Variants in ZNF584 observed in about 807,000 individuals in gnomAD.
ZNF584 encodes the protein zinc finger protein 584.
A neutral mutation model predicts 14.7 loss-of-function variants in ZNF584; 12 were observed. That is an observed-to-expected ratio of 0.82 (90% CI 0.52 to 1.32). ZNF584 has a LOEUF of 1.32. ZNF584 is among the 40% of genes most tolerant of loss of function. The probability of loss-of-function intolerance (pLI) is 0.00; values close to 1 mark genes in which losing one functional copy is unlikely to be tolerated. For missense variants in ZNF584, 478 were observed against 518.8 expected (o/e 0.92, Z 0.76); for synonymous variants, 204 against 190.9 (o/e 1.07, Z -0.57).
intron 2 of ZNF584, among the ~76,000 whole-genome samples, chr19:58,415,182 T>C (rs181564006): frequency 3.0e-4 from 46 of 151,598 alleles, no homozygotes; most frequent in East Asian, 7.8e-4. Flanking sequence ...CGTGAGCCAC[T>C]GCGCCCGGCC....
At chr19:58,410,637 A>G (rs182701708) in intron 2 of ZNF584, among the ~76,000 whole-genome samples, 834 of 22,768 alleles carry the variant, frequency 0.037, 103 homozygotes, top group Non-Finnish European at 0.054. Context: ...ATATATGTGT[A>G]TATATATGTG....
At chr19:58,409,788 T>C (rs2052519060) in intron 1 of ZNF584, among the ~76,000 whole-genome samples, 153 bp from the exon 2 acceptor site, 1 of 151,988 alleles carries the variant, frequency 6.6e-6, no homozygotes, top group Non-Finnish European at 1.5e-5. Context: ...TAAGGGTATG[T>C]GTAGGGAGTA....
intron 1 of ZNF584, 167 bp downstream of exon 1, chr19:58,409,332 C>T (rs971419015): frequency 1.2e-6 from 1 of 824,152 alleles, no homozygotes; most frequent in Non-Finnish European, 1.7e-6. Context: ...GGAGATGTGC[C>T]GCAGGACTGG....
Position 58,409,153 on chromosome 19 carries a change from CG to C in ZNF584, c.10del (p.Glu4ArgfsTer14). 1.4e-6 allele frequency: 2 copies of C among 1,444,336 alleles called. No individual in the cohort carries two copies. The highest frequency in any genetic ancestry group is 1.4e-5 in the South Asian group (1 of 69,700). 89.5% of individuals were successfully genotyped at this position (1,444,336 alleles called of 1,614,324 possible). A position where few individuals can be genotyped will look rare whatever the true frequency, so the allele number is the denominator to read the frequency against. Reference sequence around the variant, plus strand: ...GGTTCTGCCCGCACGGTCCAATGGCCGGGGAGGCGGAGGTGAGCAGAGGATG... The same window carrying C: ...GGTTCTGCCCGCACGGTCCAATGGCCGGGAGGCGGAGGTGAGCAGAGGATG... MA[G>X]EAEAQLDPSL... On this transcript the variant is annotated frameshift_variant, in exon 1 of 4. Coordinates refer to ENST00000306910, the MANE Select transcript of ZNF584 (RefSeq NM_173548.3). LOFTEE classifies it high-confidence loss of function.
At chr19:58,410,661 ATATG>A (rs1178589155) in intron 2 of ZNF584, among the ~76,000 whole-genome samples, 3 of 15,030 alleles carry the variant, frequency 2.0e-4, no homozygotes, top group African/African-American at 1.2e-3. Flanking sequence ...ATATGTGTAT[ATATG>A]TATATATGTG....
intron 2 of ZNF584, among the ~76,000 whole-genome samples, chr19:58,414,624 G>C (rs775057423): frequency 6.6e-6 from 1 of 152,048 alleles, no homozygotes; most frequent in Non-Finnish European, 1.5e-5. Flanking sequence ...TTACAGGCAT[G>C]AGCCACCGCG....
In ZNF584 at chr19:58,403,453, C is replaced by T. The variant is rs1475938060; in HGVS notation, n.92+1791C>T. ...ATACTGTATGATTACAAGTTTATGA[C>T]ATTCTGGAAAAGGTAAAGCTATAGA... On this transcript the variant is annotated intron_variant and non_coding_transcript_variant, in intron 1 of 3. Transcript: ENST00000594993. Among the ~76,000 whole-genome samples, 4 of 132,458 alleles carry T rather than the reference C, an allele frequency of 3.0e-5. No homozygotes were observed. In the East Asian group the frequency reaches 7.8e-4, roughly 26 times the overall value. 86.9% of individuals were successfully genotyped at this position (132,458 alleles called of 152,430 possible).
At position 58,415,640 on chromosome 19, in the gene ZNF584, G is replaced by T; in HGVS notation, c.286G>T (p.Gly96Cys). 6.2e-7 allele frequency: 1 copy of T among 1,613,836 alleles called. No individual in the cohort carries two copies. Among genetic ancestry groups the T allele is most frequent in the Non-Finnish European group, 8.5e-7 (1 of 1,179,830 alleles). ...CAGAGCAGAAGCCAGGAGAGGTTTT[G>T]GTCTTGGTAAGTGGAGTGGAGGGGA... The part of the protein sequence containing the change: ...VSRAEARRGF[G>C]LDGLCRVEDE... Residue 96 changes from glycine (G) to cysteine (C), a missense_variant, in exon 3 of 4, where the codon GGT becomes TGT. Physicochemically the swap from Gly to Cys is radical, Grantham distance 159. Transcript: ENST00000306910.
chr19:58,408,620 T>C (rs2122201162), upstream of ZNF584: 1 of 153,166 alleles, frequency 6.5e-6, no homozygotes, highest in Non-Finnish European at 1.5e-5. Flanking sequence ...CACGTCCCGC[T>C]TCAGGAGCTA....
intron 2 of ZNF584, among the ~76,000 whole-genome samples, chr19:58,410,573 G>GTA (rs1207335393): frequency 0.034 from 215 of 6,392 alleles, 15 homozygotes; most frequent in East Asian, 0.11. Flanking sequence ...ATATATATAT[G>GTA]TATATATATG....
intron 2 of ZNF584, among the ~76,000 whole-genome samples, chr19:58,410,595 A>ATATATATGTATATATATGTG (rs1568584589): frequency 2.8e-5 from 1 of 35,110 alleles, no homozygotes; most frequent in Admixed American, 2.8e-4. Context: ...ATATATATGT[A>ATATATATGTATATATATGTG]TATATATGTA....
rs2052506019 is a variant in ZNF584 at position 58,409,076 on chromosome 19, G to A, written c.-72G>A. 6.9e-7 allele frequency: 1 copy of A among 1,456,096 alleles called. No individual in the cohort carries two copies. The highest frequency in any genetic ancestry group is 9.1e-7 in the Non-Finnish European group (1 of 1,093,372). 90.2% of individuals were successfully genotyped at this position (1,456,096 alleles called of 1,614,324 possible). ...CCCGGGAAGGTTCCACGGCGGCCGA[G>A]GGTTTCCGCGCCCGGGACGCGTTTC... On this transcript the variant is annotated 5_prime_UTR_variant, in exon 1 of 4. Transcript: ENST00000306910.
At chr19:58,416,681 C>T (rs955665663) in intron 3 of ZNF584, 130 bp from the exon 4 acceptor site, 43 of 1,220,090 alleles carry the variant, frequency 3.5e-5, no homozygotes, top group Non-Finnish European at 4.5e-5. Flanking sequence ...GGATTACAGG[C>T]GTGAGCCACC....
At chr19:58,403,590 A>C (rs2122183543) in intron 1 of ZNF584, among the ~76,000 whole-genome samples, 1 of 152,324 alleles carries the variant, frequency 6.6e-6, no homozygotes, top group East Asian at 1.9e-4. Context: ...TTTGTACTAT[A>C]TTGTAATGGT....
chr19:58,417,467 C>T lies in ZNF584; in HGVS notation c.949C>T (p.Gln317Ter), dbSNP rs1210664905. ...FKYNNSFILH[Q>*]RVHTGERPFE... is the part of the protein sequence containing the mutation. ...ATACAATAATAGCTTCATTCTTCAC[C>T]AGAGAGTTCACACTGGAGAAAGGCC... Residue 317 changes from glutamine to a stop codon, truncating the protein, a stop_gained, in exon 4 of 4, where the codon CAG (glutamine) becomes TAG (stop). Coordinates refer to ENST00000306910, the MANE Select transcript of ZNF584 (RefSeq NM_173548.3). LOFTEE classifies it low-confidence loss of function (END_TRUNC). The T allele has an allele frequency of 6.2e-7, 1 of 1,614,090 alleles. No individual in the cohort carries two copies. The highest frequency in any genetic ancestry group is 1.1e-5 in the South Asian group (1 of 91,076).
chr19:58,416,212 C>A, intron 3 of ZNF584: 1 of 347,190 alleles, frequency 2.9e-6, no homozygotes, highest in Non-Finnish European at 5.3e-6. Context: ...CTTTCCCAAC[C>A]CAGACCTTTC....
intron 2 of ZNF584, 87 bp downstream of exon 2, chr19:58,410,178 G>T: frequency 6.8e-7 from 1 of 1,469,132 alleles, no homozygotes. Flanking sequence ...GCCAGACCAT[G>T]GGGGCTCTTT....
chr19:58,414,151 T>G (rs2052611168), intron 2 of ZNF584, among the ~76,000 whole-genome samples: 1 of 152,106 alleles, frequency 6.6e-6, no homozygotes, highest in Non-Finnish European at 1.5e-5. Context: ...CCCAAAGTAC[T>G]TGTAATTGTC....
rs1208518188 is a variant in ZNF584 at position 58,410,735 on chromosome 19, A to G, written c.169+644A>G. Among the ~76,000 whole-genome samples, 12 of 44,678 alleles carry G rather than the reference A, an allele frequency of 2.7e-4. 1 individual carries two copies. The highest frequency in any genetic ancestry group is 4.0e-4 in the East Asian group (1 of 2,492). 29.3% of individuals were successfully genotyped at this position (44,678 alleles called of 152,430 possible). A position where few individuals can be genotyped will look rare whatever the true frequency, so the allele number is the denominator to read the frequency against. ...TATGTGTATATATATATGTATATAT[A>G]TATATGTGTGTATATATATATATAT... On this transcript the variant is annotated intron_variant, in intron 2 of 3. Transcript: ENST00000306910.
Sources: allele counts gnomAD v4.1 joint callset (sites outside exome capture counted in the v4.1 genomes callset), GRCh38; gene constraint gnomAD v4.1.1; transcripts MANE v1.5; gene names NCBI Gene and HGNC (gene_info 2026-07-23, HGNC 2026-07-21).